The following ACYP2 variants were observed in gnomAD, a reference collection of about 807,000 sequenced individuals.
ACYP2 encodes the protein acylphosphatase-2.
In ACYP2, 12 loss-of-function variants were observed where a neutral mutation model predicts 11.2. That is an observed-to-expected ratio of 1.08 (90% CI 0.69 to 1.74). The LOEUF (loss-of-function observed/expected upper bound fraction) is 1.74. ACYP2 is among the 40% of genes most tolerant of loss of function. The pLI, the probability that ACYP2 is intolerant of heterozygous loss-of-function variation, is 0.00. For missense variants in ACYP2, 134 were observed against 101.9 expected, an observed-to-expected ratio of 1.31 and a Z score of -1.35; for synonymous variants, 43 against 32.2, an observed-to-expected ratio of 1.33 and a Z score of -1.13.
At chr2:54,235,109 C>A (rs1686414194) in intron 6 of ACYP2, among the ~76,000 whole-genome samples, 1 of 152,158 alleles carries the variant, frequency 6.6e-6, no homozygotes. Context: ...GTTTAACCAA[C>A]ATTTTGCTTC....
In ACYP2 at chr2:54,192,549, T is replaced by C. The variant is rs555533274; in HGVS notation, c.404+53801T>C. 5.3e-5 allele frequency among the ~76,000 whole-genome samples: 8 copies of C among 152,258 alleles called. 1 individual carries two copies. Among genetic ancestry groups the C allele is most frequent in the African/African-American group, 1.9e-4 (8 of 41,556 alleles). ...TAAGTTTCTAATTCCAGCCAGAACCTGGGAAGTTGTGTCATTAGTCAAAAA... is the reference window on the plus strand; with the variant it reads ...TAAGTTTCTAATTCCAGCCAGAACCCGGGAAGTTGTGTCATTAGTCAAAAA... On this transcript the variant is annotated intron_variant, in intron 6 of 6. Transcript: ENST00000607452.
intron 6 of ACYP2, among the ~76,000 whole-genome samples, chr2:54,270,775 C>G (rs1180523556): frequency 6.6e-6 from 1 of 152,004 alleles, no homozygotes; most frequent in African/African-American, 2.4e-5. Flanking sequence ...TTTAGGATTT[C>G]CTGGGGAAAT....
chr2:54,208,870 T>C lies in ACYP2; in HGVS notation c.404+70122T>C, dbSNP rs1474177210. Among the ~76,000 whole-genome samples, 11 of 152,284 alleles carry C rather than the reference T, an allele frequency of 7.2e-5. No individual in the cohort carries two copies. The South Asian group carries it at 2.3e-3, about 32-fold the overall frequency. ...TCATACCCAATTGTGTGATTGTGTG[T>C]GTGTGTGCATATATGTTCATTGAGG... On this transcript the variant is annotated intron_variant, in intron 6 of 6. Coordinates refer to ENST00000607452, the MANE Select transcript of ACYP2 (RefSeq NM_001320586.2).
intron 6 of ACYP2, among the ~76,000 whole-genome samples, chr2:54,284,056 A>T (rs140159279): frequency 6.6e-6 from 1 of 152,246 alleles, no homozygotes; most frequent in Non-Finnish European, 1.5e-5. Flanking sequence ...GGTTTCAGTG[A>T]GCCGAGATCG....
chr2:54,270,121 T>G (rs887953169), intron 6 of ACYP2, among the ~76,000 whole-genome samples: 1 of 152,200 alleles, frequency 6.6e-6, no homozygotes, highest in East Asian at 1.9e-4. Context: ...CCTTAATTTG[T>G]TATGTATACT....
At chr2:54,029,546 AT>A (rs1674474109) in intron 2 of ACYP2, 1 of 402,330 alleles carries the variant, frequency 2.5e-6, no homozygotes, top group Non-Finnish European at 4.8e-6. Flanking sequence ...GTTCTCTCAC[AT>A]TGTCTTCTCT....
intron 6 of ACYP2, among the ~76,000 whole-genome samples, chr2:54,224,016 G>T (rs1177982199): frequency 6.6e-6 from 1 of 152,170 alleles, no homozygotes; most frequent in African/African-American, 2.4e-5. Flanking sequence ...TGAAAATGGG[G>T]TGTCTCAAGA....
intron 2 of ACYP2, among the ~76,000 whole-genome samples, chr2:54,045,050 A>G (rs996948464): frequency 2.0e-5 from 3 of 152,170 alleles, no homozygotes; most frequent in Admixed American, 2.0e-4. Flanking sequence ...ATAGATAACA[A>G]CTTGAACATT....
chr2:54,303,577 C>T (rs1341289188), intron 6 of ACYP2, among the ~76,000 whole-genome samples: 1 of 152,108 alleles, frequency 6.6e-6, no homozygotes, highest in Non-Finnish European at 1.5e-5. Context: ...ACTAATCTCA[C>T]CCAGTAAAAC....
At chr2:54,035,630 A>G (rs1459654976) in intron 2 of ACYP2, among the ~76,000 whole-genome samples, 1 of 152,116 alleles carries the variant, frequency 6.6e-6, no homozygotes, top group African/African-American at 2.4e-5. Context: ...TTTATACTCA[A>G]CCATCTACAT....
At chr2:54,044,699 G>A (rs995327349) in intron 2 of ACYP2, among the ~76,000 whole-genome samples, 2 of 152,066 alleles carry the variant, frequency 1.3e-5, no homozygotes, top group Non-Finnish European at 2.9e-5. Context: ...TCAGGGTGAA[G>A]CAGCTACAAA....
At chr2:54,036,605 G>A (rs1179084260) in intron 2 of ACYP2, among the ~76,000 whole-genome samples, 2 of 152,194 alleles carry the variant, frequency 1.3e-5, no homozygotes, top group South Asian at 2.1e-4. Flanking sequence ...ACACCTTGAA[G>A]TTTCTGTCCC....
At chr2:54,153,460 GTTT>G (rs3069007) in intron 6 of ACYP2, among the ~76,000 whole-genome samples, 2 of 133,092 alleles carry the variant, frequency 1.5e-5, no homozygotes, top group African/African-American at 5.6e-5. Context: ...GCTACTTAGG[GTTT>G]TTTTTTTTTT....
chr2:54,066,796 C>G (rs894199779), intron 4 of ACYP2, among the ~76,000 whole-genome samples: 1 of 152,214 alleles, frequency 6.6e-6, no homozygotes, highest in African/African-American at 2.4e-5. Flanking sequence ...ATCAGGATCT[C>G]TGACCTATCC....
At chr2:54,263,025 C>A (rs528928804) in intron 6 of ACYP2, among the ~76,000 whole-genome samples, 1 of 151,934 alleles carries the variant, frequency 6.6e-6, no homozygotes, top group East Asian at 1.9e-4. Context: ...TTGTGTCCAG[C>A]GTGGACAAGG....
chr2:54,115,714 T>G, intron 4 of ACYP2: 1 of 1,612,840 alleles, frequency 6.2e-7, no homozygotes, highest in Non-Finnish European at 8.5e-7. Flanking sequence ...TACCGCCCAG[T>G]CACTCAAATC....
chr2:54,097,313 C>T (rs994225036), intron 4 of ACYP2, among the ~76,000 whole-genome samples: 2 of 152,178 alleles, frequency 1.3e-5, no homozygotes, highest in Non-Finnish European at 2.9e-5. Context: ...ATGTGAGCTC[C>T]ATGAGGACAG....
At chr2:54,086,752 G>C (rs1558518727) in intron 4 of ACYP2, among the ~76,000 whole-genome samples, 1 of 152,218 alleles carries the variant, frequency 6.6e-6, no homozygotes, top group Non-Finnish European at 1.5e-5. Context: ...CAGGTTCATA[G>C]ATGAAGCCAG....
chr2:54,265,845 G>T (rs1378688304), intron 6 of ACYP2, among the ~76,000 whole-genome samples: 3 of 152,208 alleles, frequency 2.0e-5, no homozygotes, highest in Non-Finnish European at 4.4e-5. Flanking sequence ...GCACAGAATT[G>T]TTCTAAAGAG....
Sources: allele counts gnomAD v4.1 joint callset (sites outside exome capture counted in the v4.1 genomes callset), GRCh38; gene constraint gnomAD v4.1.1; transcripts MANE v1.5; gene names NCBI Gene and HGNC (gene_info 2026-07-23, HGNC 2026-07-21).